The following KCTD12 variants were observed in gnomAD, a reference collection of about 807,000 sequenced individuals.
The protein encoded by KCTD12 is potassium channel tetramerization domain containing 12.
In KCTD12, 16 loss-of-function variants were observed where a neutral mutation model predicts 22.6. The ratio of observed to expected loss-of-function variants is 0.71; its 90% CI spans 0.48 to 1.07. KCTD12 has a LOEUF of 1.07. Ranked by LOEUF, KCTD12 falls within the 50% of genes least tolerant of loss-of-function variation. The pLI is 0.00. For missense variants in KCTD12, 452 were observed against 469.2 expected (o/e 0.96, Z 0.34); for synonymous variants, 260 against 228.0 (o/e 1.14, Z -1.26).
In KCTD12 at chr13:76,882,858, G is replaced by C. The variant is rs2033218934; in HGVS notation, c.*2313C>G. The C allele has an allele frequency of 6.6e-6, 1 of 152,010 alleles. No individual in the cohort carries two copies. The highest frequency in any genetic ancestry group is 2.4e-5 in the African/African-American group (1 of 41,364). The allele number at this position is 152,010 out of a possible 1,614,324, so 9.4% of individuals were successfully genotyped here. ...CAATTTTACTTCTCAAAAAATGTTA[G>C]TCTAATAAAAGACCTGAAATCTATT... On this transcript the variant is annotated 3_prime_UTR_variant, in exon 1 of 1. Coordinates refer to ENST00000377474, the MANE Select transcript of KCTD12 (RefSeq NM_138444.4).
In KCTD12 at chr13:76,886,232, A is replaced by G. The variant is rs700371; in HGVS notation, c.-84T>C. 468,210 of 1,364,726 alleles carry G rather than the reference A, an allele frequency of 0.34. 86,589 individuals are homozygous for G. The highest frequency in any genetic ancestry group is 0.74 in the African/African-American group (48,339 of 65,064). The allele number at this position is 1,364,726 out of a possible 1,614,324, so 84.5% of individuals were successfully genotyped here. A position where few individuals can be genotyped will look rare whatever the true frequency, so the allele number is the denominator to read the frequency against. On this transcript the variant is annotated 5_prime_UTR_variant, in exon 1 of 1. Coordinates refer to ENST00000377474, the MANE Select transcript of KCTD12 (RefSeq NM_138444.4). ...CAACCGCCTTCCCCGGAGCCCCGGA[A>G]CCCGGACGCTCGCTCAGCCCTGCGC...
rs1216447389 is a variant in KCTD12 at position 76,881,770 on chromosome 13, T to C, written c.*3401A>G. On this transcript the variant is annotated 3_prime_UTR_variant, in exon 1 of 1. Transcript: ENST00000377474. The stretch of plus-strand genomic sequence containing the variant: ...ATTTGAAAAAGTAGAATGAATACTG[T>C]TCATGGTCCACATGTATTAAAAAAC... 8.7e-6 allele frequency: 1 copy of C among 115,296 alleles called. No individual in the cohort carries two copies. The highest frequency in any genetic ancestry group is 1.8e-5 in the Non-Finnish European group (1 of 55,552). The allele number at this position is 115,296 out of a possible 1,614,324, so 7.1% of individuals were successfully genotyped here. A position where few individuals can be genotyped will look rare whatever the true frequency, so the allele number is the denominator to read the frequency against.
rs2033220175 is a variant in KCTD12, at chr13:76,882,968, C to T, written c.*2203G>A. 6.6e-6 allele frequency: 1 copy of T among 152,070 alleles called. No homozygotes were observed. The highest frequency in any genetic ancestry group is 6.5e-5 in the Admixed American group (1 of 15,272). The allele number at this position is 152,070 out of a possible 1,614,324, so 9.4% of individuals were successfully genotyped here. A position where few individuals can be genotyped will look rare whatever the true frequency, so the allele number is the denominator to read the frequency against. ...GTTAATCAACATATGATTAGTAATACAACTAATACTCAAGAAAAAAAGTAT... is the reference window on the plus strand; with the variant it reads ...GTTAATCAACATATGATTAGTAATATAACTAATACTCAAGAAAAAAAGTAT... On this transcript the variant is annotated 3_prime_UTR_variant, in exon 1 of 1. Coordinates refer to ENST00000377474, the MANE Select transcript of KCTD12 (RefSeq NM_138444.4).
Position 76,884,665 on chromosome 13 carries a change from T to C in KCTD12, c.*506A>G, listed in dbSNP as rs1287757410. 6.5e-6 allele frequency: 1 copy of C among 153,184 alleles called. No homozygotes were observed. The highest frequency in any genetic ancestry group is 2.4e-5 in the African/African-American group (1 of 41,458). The allele number at this position is 153,184 out of a possible 1,614,324, so 9.5% of individuals were successfully genotyped here. ...TACCTTCAAAAGAGGTCAAAAAGAC[T>C]GTGTAATGACCTTGTAAAACACTAA... On this transcript the variant is annotated 3_prime_UTR_variant, in exon 1 of 1. Coordinates refer to ENST00000377474, the MANE Select transcript of KCTD12 (RefSeq NM_138444.4).
rs1327116219 is a variant in KCTD12, at chr13:76,884,476, T to G, written c.*695A>C. 1 of 152,228 alleles carries G rather than the reference T, an allele frequency of 6.6e-6. No individual in the cohort carries two copies. The highest frequency in any genetic ancestry group is 1.9e-4 in the East Asian group (1 of 5,196). The allele number at this position is 152,228 out of a possible 1,614,324, so 9.4% of individuals were successfully genotyped here. A position where few individuals can be genotyped will look rare whatever the true frequency, so the allele number is the denominator to read the frequency against. On this transcript the variant is annotated 3_prime_UTR_variant, in exon 1 of 1. Coordinates refer to ENST00000377474, the MANE Select transcript of KCTD12 (RefSeq NM_138444.4). Reference sequence around the variant, plus strand: ...CTTTCTATAAGTTTAAGCTACAGGCTGAGACCTTTTATTCTGTACGAGAAA... The same window carrying G: ...CTTTCTATAAGTTTAAGCTACAGGCGGAGACCTTTTATTCTGTACGAGAAA...
rs2033194033 is a variant in KCTD12, at chr13:76,880,738, T to C, written c.*4433A>G. ...ATAGTAATAGCAAAATTTACCTGCC[T>C]ATAAAGTCGCAAAAACAGTTGTATA... On this transcript the variant is annotated 3_prime_UTR_variant, in exon 1 of 1. Transcript: ENST00000377474. 6.6e-6 allele frequency: 1 copy of C among 152,618 alleles called. No individual in the cohort carries two copies. The highest frequency in any genetic ancestry group is 2.1e-4 in the South Asian group (1 of 4,836). 9.5% of individuals were successfully genotyped at this position (152,618 alleles called of 1,614,324 possible). A position where few individuals can be genotyped will look rare whatever the true frequency, so the allele number is the denominator to read the frequency against.
rs2033267612 is a variant in KCTD12 at position 76,886,069 on chromosome 13, G to A, written c.80C>T (p.Ala27Val). 2 of 1,565,524 alleles carry A rather than the reference G, an allele frequency of 1.3e-6. No individual in the cohort carries two copies. The highest frequency in any genetic ancestry group is 1.7e-6 in the Non-Finnish European group (2 of 1,158,668). The stretch of plus-strand genomic sequence containing the variant: ...GATGTCGGGGAAGAGCGGTGGCTCC[G>A]CGGAGGACGACGAGGAGCCACTGCC... ...GGGSGSSSSS[A>V]EPPLFPDIVE... The change falls in exon 1 of 1, where the codon GCG becomes GTG. Residue 27 changes from alanine (A) to valine (V), a missense_variant. Ala to Val is a moderately conservative substitution (Grantham distance 64). Transcript: ENST00000377474.
rs560776562 is a variant in KCTD12 at position 76,881,755 on chromosome 13, G to T, written c.*3416C>A. 6.8e-6 allele frequency: 1 copy of T among 147,684 alleles called. No individual in the cohort carries two copies. The highest frequency in any genetic ancestry group is 2.5e-5 in the African/African-American group (1 of 39,866). 9.1% of individuals were successfully genotyped at this position (147,684 alleles called of 1,614,324 possible). The stretch of plus-strand genomic sequence containing the variant: ...TTTCTACAGCATATCATTTGAAAAA[G>T]TAGAATGAATACTGTTCATGGTCCA... On this transcript the variant is annotated 3_prime_UTR_variant, in exon 1 of 1. Coordinates refer to ENST00000377474, the MANE Select transcript of KCTD12 (RefSeq NM_138444.4).
chr13:76,886,291 G>T lies in KCTD12; in HGVS notation c.-143C>A, dbSNP rs1347636780. 1.1e-6 allele frequency: 1 copy of T among 888,942 alleles called. No homozygotes were observed. The allele number at this position is 888,942 out of a possible 1,614,324, so 55.1% of individuals were successfully genotyped here. On this transcript the variant is annotated 5_prime_UTR_variant, in exon 1 of 1. Transcript: ENST00000377474. The stretch of plus-strand genomic sequence containing the variant: ...CGCCGCCGCCGCCACCGCCGCCACC[G>T]CCACCGCCGCCACCTCCTAGAGCCG...
chr13:76,886,007 G>A lies in KCTD12; in HGVS notation c.142C>T (p.Arg48Trp). The change falls in exon 1 of 1, where the codon CGG (arginine) becomes TGG (tryptophan). Residue 48 changes from arginine (R) to tryptophan (W), a missense_variant. Physicochemically the swap from Arg to Trp is moderately radical, Grantham distance 101. This residue lies in a region of KCTD12 where 330 missense variants were observed against 296.5 expected (regional missense o/e 1.11). Transcript: ENST00000377474. ...LNVGGQVYVTRRCTVVSVPDS... is the reference protein window; with the variant it reads ...LNVGGQVYVTWRCTVVSVPDS... ...GGCACCGACACCACCGTGCAGCGCC[G>A]GGTCACGTACACCTGGCCCCCCACG... 1.3e-6 allele frequency: 2 copies of A among 1,591,202 alleles called. No individual in the cohort carries two copies. The highest frequency in any genetic ancestry group is 8.5e-7 in the Non-Finnish European group (1 of 1,173,830).
At position 76,886,029 on chromosome 13, in the gene KCTD12, C is replaced by A. The variant is rs568420032; in HGVS notation, c.120G>T (p.Val40=). ...GCCGGGTCACGTACACCTGGCCCCC[C>A]ACGTTCAGCTCCACGATGTCGGGGA... ...PLFPDIVELN[V]GGQVYVTRRC... is the part of the protein sequence containing the mutation. The change falls in exon 1 of 1, where the codon GTG becomes GTT. Residue 40 remains valine, a synonymous_variant. Transcript: ENST00000377474. 1.3e-4 allele frequency: 209 copies of A among 1,589,416 alleles called. 1 individual carries two copies. In the South Asian group the frequency reaches 2.2e-3, roughly 16 times the overall value.
chr13:76,885,232 G>A lies in KCTD12; in HGVS notation c.917C>T (p.Thr306Ile). Residue 306 changes from threonine (T) to isoleucine (I), a missense_variant, in exon 1 of 1, where the codon ACC becomes ATC. Coordinates refer to ENST00000377474, the MANE Select transcript of KCTD12 (RefSeq NM_138444.4). The surrounding 1 kb of genome is among the most constrained non-coding windows in gnomAD (Gnocchi z 5.1). ...CCAGATCTTGTCCTCGCTCTGGTCG[G>A]TGCTGCTGGCAAAGGCGCAGGTGCC... ...STGTCAFASS[T>I]DQSEDKIWTS... 3 of 1,614,110 alleles carry A rather than the reference G, an allele frequency of 1.9e-6. No individual in the cohort carries two copies. The highest frequency in any genetic ancestry group is 2.5e-6 in the Non-Finnish European group (3 of 1,180,022).
rs980359691 is a variant in KCTD12 at position 76,886,154 on chromosome 13, A to T, written c.-6T>A. The T allele has an allele frequency of 1.2e-5, 18 of 1,488,220 alleles. No individual in the cohort carries two copies. The African/African-American group carries it at 2.4e-4, about 20-fold the overall frequency. The allele number at this position is 1,488,220 out of a possible 1,614,324, so 92.2% of individuals were successfully genotyped here. On this transcript the variant is annotated 5_prime_UTR_variant, in exon 1 of 1. Transcript: ENST00000377474. ...GTGCTGTCCGCCAGAGCCATGACAGAGAGGTGGCCGGGCCGGGACAGTGGC... is the reference window on the plus strand; with the variant it reads ...GTGCTGTCCGCCAGAGCCATGACAGTGAGGTGGCCGGGCCGGGACAGTGGC...
At position 76,885,642 on chromosome 13, in the gene KCTD12, G is replaced by A. The variant is rs947927035; in HGVS notation, c.507C>T (p.Gly169=). The A allele has an allele frequency of 2.7e-6, 4 of 1,494,750 alleles. No homozygotes were observed. The highest frequency in any genetic ancestry group is 3.5e-6 in the Non-Finnish European group (4 of 1,134,050). 92.6% of individuals were successfully genotyped at this position (1,494,750 alleles called of 1,614,324 possible). Residue 169 remains glycine (G), a synonymous_variant, in exon 1 of 1, where the codon GGC becomes GGT. Coordinates refer to ENST00000377474, the MANE Select transcript of KCTD12 (RefSeq NM_138444.4). The surrounding 1 kb of genome is among the most constrained non-coding windows in gnomAD (Gnocchi z 5.1). ...LGYSEPEQQE[G]ASAGAPSPTL... is the part of the protein sequence containing the mutation. ...TGGGCGACGGCGCCCCGGCAGAGGC[G>A]CCCTCCTGCTGTTCGGGCTCCGAGT... is the stretch of plus-strand genomic sequence containing the variant.
rs192562899 is a variant in KCTD12, at chr13:76,881,989, T to C, written c.*3182A>G. 2 of 152,328 alleles carry C rather than the reference T, an allele frequency of 1.3e-5. No homozygotes were observed. The highest frequency in any genetic ancestry group is 2.1e-4 in the South Asian group (1 of 4,826). 9.4% of individuals were successfully genotyped at this position (152,328 alleles called of 1,614,324 possible). The stretch of plus-strand genomic sequence containing the variant: ...ATGCCTCTGAATCAGATTCATGCAG[T>C]GTTAATTATCTGAATAATTTATGAC... On this transcript the variant is annotated 3_prime_UTR_variant, in exon 1 of 1. Transcript: ENST00000377474.
rs2033212176 is a variant in KCTD12 at position 76,882,270 on chromosome 13, T to G, written c.*2901A>C. On this transcript the variant is annotated 3_prime_UTR_variant, in exon 1 of 1. Transcript: ENST00000377474. ...ACTTTAGGCTAAAAATAGACAGTTTTCTTGTATTGACTTTAACTTTAGAGG... is the reference window on the plus strand; with the variant it reads ...ACTTTAGGCTAAAAATAGACAGTTTGCTTGTATTGACTTTAACTTTAGAGG... 1 of 152,238 alleles carries G rather than the reference T, an allele frequency of 6.6e-6. No individual in the cohort carries two copies. Among genetic ancestry groups the G allele is most frequent in the Admixed American group, 6.5e-5 (1 of 15,286 alleles). 9.4% of individuals were successfully genotyped at this position (152,238 alleles called of 1,614,324 possible).
Position 76,883,646 on chromosome 13 carries a change from G to A in KCTD12, c.*1525C>T, listed in dbSNP as rs761247527. On this transcript the variant is annotated 3_prime_UTR_variant, in exon 1 of 1. Coordinates refer to ENST00000377474, the MANE Select transcript of KCTD12 (RefSeq NM_138444.4). ...TCCATTTTACAGCTATCTACAGATAGGCAGCCCTTGGTGCTGAGTTCTCTG... is the reference window on the plus strand; with the variant it reads ...TCCATTTTACAGCTATCTACAGATAAGCAGCCCTTGGTGCTGAGTTCTCTG... The A allele has an allele frequency of 6.6e-6, 1 of 152,630 alleles. No homozygotes were observed. Among genetic ancestry groups the A allele is most frequent in the Non-Finnish European group, 1.5e-5 (1 of 68,032 alleles). The allele number at this position is 152,630 out of a possible 1,614,324, so 9.5% of individuals were successfully genotyped here.
At position 76,885,104 on chromosome 13, in the gene KCTD12, G is replaced by A. The variant is rs534977921; in HGVS notation, c.*67C>T. ...GCCAGGGGACAAAGGTGGGACAAGAGGCTCTGTAATCATCTCTCGGGCAGG... is the reference window on the plus strand; with the variant it reads ...GCCAGGGGACAAAGGTGGGACAAGAAGCTCTGTAATCATCTCTCGGGCAGG... On this transcript the variant is annotated 3_prime_UTR_variant, in exon 1 of 1. Coordinates refer to ENST00000377474, the MANE Select transcript of KCTD12 (RefSeq NM_138444.4). This position sits in a 1 kb window ranked among gnomAD's most constrained non-coding sequence, Gnocchi z 5.1. The A allele has an allele frequency of 2.9e-5, 44 of 1,543,666 alleles. 1 individual carries two copies. In the South Asian group the frequency reaches 4.6e-4, roughly 16 times the overall value.
rs1411528358 is a variant in KCTD12 at position 76,882,975 on chromosome 13, TACTC to T, written c.*2192_*2195del. 2.6e-5 allele frequency: 4 copies of T among 152,186 alleles called. No homozygotes were observed. Among genetic ancestry groups the T allele is most frequent in the African/African-American group, 7.2e-5 (3 of 41,464 alleles). 9.4% of individuals were successfully genotyped at this position (152,186 alleles called of 1,614,324 possible). On this transcript the variant is annotated 3_prime_UTR_variant, in exon 1 of 1. Transcript: ENST00000377474. ...AACATATGATTAGTAATACAACTAA[TACTC>T]AAGAAAAAAAGTATAATACAGCAAA... is the stretch of plus-strand genomic sequence containing the variant.
Sources: gnomAD v4.1 joint callset for allele counts on GRCh38, gnomAD v4.1.1 for gene constraint, gnomAD v4.1.1 regional missense constraint, Gnocchi (gnomAD v3.1) non-coding constraint, MANE v1.5 for transcripts, NCBI Gene and HGNC (gene_info 2026-07-23, HGNC 2026-07-21) for gene names.